PLD5: variants seen among roughly 807,000 people sequenced by gnomAD.
The protein encoded by PLD5 is phospholipase D family member 5, also known as inactive phospholipase D5.
PLD5 carries 36 observed loss-of-function variants against 61.1 expected under a neutral mutation model. The observed-to-expected ratio is 0.59, with a 90% confidence interval of 0.45 to 0.78. The LOEUF (loss-of-function observed/expected upper bound fraction) is 0.78. PLD5 is among the 30% of genes least tolerant of loss of function. PLD5 has a pLI of 0.00. For synonymous variants in PLD5, 243 were observed against 242.8 expected, an observed-to-expected ratio of 1.00 and a Z score of -0.01; for missense variants, 515 against 644.4, an observed-to-expected ratio of 0.80 and a Z score of 2.17.
rs560240787 is a variant in PLD5, at chr1:242,355,895, CTTACTG to C, written c.190-7659_190-7654del. Among the ~76,000 whole-genome samples the C allele has an allele frequency of 2.5e-4, 38 of 151,948 alleles. 2 individuals carry two copies. In the Middle Eastern group the frequency reaches 0.027, roughly 109 times the overall value. ...TAATTTCATTGAGTTTTCTGAAAGT[CTTACTG>C]TTACAGATTTTTAGTCTTAACCCAT... is the stretch of plus-strand genomic sequence containing the variant. On this transcript the variant is annotated intron_variant, in intron 1 of 9. Transcript: ENST00000536534.
intron 2 of PLD5, among the ~76,000 whole-genome samples, chr1:242,297,380 C>G (rs181217838): frequency 7.0e-6 from 1 of 142,312 alleles, no homozygotes; most frequent in Non-Finnish European, 1.5e-5. Context: ...AAGCTTCCCC[C>G]CTTTTCCTAT....
At chr1:242,252,042 G>A (rs1219981384) in intron 4 of PLD5, among the ~76,000 whole-genome samples, 1 of 152,208 alleles carries the variant, frequency 6.6e-6, no homozygotes, top group South Asian at 2.1e-4. Context: ...AGGAGACATA[G>A]AGTGTGAGTA....
At position 242,194,584 on chromosome 1, in the gene PLD5, A is replaced by ATCTG. The variant is rs1415822730; in HGVS notation, c.735+25403_735+25404insCAGA. ...TATCTCTATATCTATCTATCTATCT[A>ATCTG]TCTATCTATCTATCTATCTATGTAT... On this transcript the variant is annotated intron_variant, in intron 5 of 9. Transcript: ENST00000536534. Among the ~76,000 whole-genome samples, 15 of 70,782 alleles carry ATCTG rather than the reference A, an allele frequency of 2.1e-4. No individual in the cohort carries two copies. The East Asian group carries it at 0.012, about 58-fold the overall frequency. The allele number at this position is 70,782 out of a possible 152,430, so 46.4% of individuals were successfully genotyped here.
At chr1:242,207,854 A>ATATATTTT (rs1558344144) in intron 5 of PLD5, among the ~76,000 whole-genome samples, 1 of 47,578 alleles carries the variant, frequency 2.1e-5, no homozygotes, top group Non-Finnish European at 3.6e-5. Context: ...ATATATATTT[A>ATATATTTT]TATATTTATA....
intron 1 of PLD5, among the ~76,000 whole-genome samples, chr1:242,511,588 G>GA (rs33948487): frequency 0.58 from 86,160 of 148,984 alleles, 25,243 homozygotes; most frequent in African/African-American, 0.62. Context: ...GTCTAATGAT[G>GA]AAAAAAAAAA....
At position 242,148,940 on chromosome 1, in the gene PLD5, A is replaced by G. The variant is rs1332690317; in HGVS notation, c.736-24275T>C. Among the ~76,000 whole-genome samples, 5 of 147,694 alleles carry G rather than the reference A, an allele frequency of 3.4e-5. No individual in the cohort carries two copies. In the East Asian group the frequency reaches 9.9e-4, roughly 29 times the overall value. On this transcript the variant is annotated intron_variant, in intron 5 of 9. Coordinates refer to ENST00000536534, the MANE Select transcript of PLD5 (RefSeq NM_001372062.1). ...TAATAGATTCTTTGGGAATTTTTAC[A>G]TAATCATGTCATCTGCAAATAGAGA...
chr1:242,153,034 T>A (rs1186344816), intron 5 of PLD5, among the ~76,000 whole-genome samples: 2 of 150,964 alleles, frequency 1.3e-5, no homozygotes, highest in Non-Finnish European at 2.9e-5. Context: ...TCCTGACTTT[T>A]TAATGATTAC....
intron 1 of PLD5, among the ~76,000 whole-genome samples, chr1:242,425,709 C>T (rs1665384713): frequency 7.0e-6 from 1 of 143,340 alleles, no homozygotes; most frequent in African/African-American, 2.6e-5. Context: ...GTGGCGCAAT[C>T]TCAGCTCACT....
At chr1:242,178,596 C>T (rs1003155510) in intron 5 of PLD5, among the ~76,000 whole-genome samples, 1 of 152,052 alleles carries the variant, frequency 6.6e-6, no homozygotes, top group African/African-American at 2.4e-5. Context: ...ATGATTCTGT[C>T]GAGAGAGAAG....
intron 1 of PLD5, among the ~76,000 whole-genome samples, chr1:242,517,909 A>T (rs1669156111): frequency 6.6e-6 from 1 of 152,054 alleles, no homozygotes; most frequent in South Asian, 2.1e-4. Flanking sequence ...TTTTTATGTC[A>T]ATGAGTCCCA....
At chr1:242,412,800 A>G (rs1219982182) in intron 1 of PLD5, among the ~76,000 whole-genome samples, 1 of 152,220 alleles carries the variant, frequency 6.6e-6, no homozygotes, top group East Asian at 1.9e-4. Context: ...TCATGCGAAT[A>G]CAAGTCTTCA....
chr1:242,139,543 A>G (rs1418093733), intron 5 of PLD5, among the ~76,000 whole-genome samples: 1 of 151,792 alleles, frequency 6.6e-6, no homozygotes, highest in Non-Finnish European at 1.5e-5. Context: ...GAGACCCTAT[A>G]CTGGTGACAC....
At position 242,393,522 on chromosome 1, in the gene PLD5, G is replaced by C. The variant is rs1262489852; in HGVS notation, c.190-45280C>G. ...TGTGTATATATGAGTATATATATAT[G>C]TGTATATATGTGAGTATATATATGT... On this transcript the variant is annotated intron_variant, in intron 1 of 9. Transcript: ENST00000536534. Among the ~76,000 whole-genome samples the C allele has an allele frequency of 1.3e-4, 11 of 86,442 alleles. 3 individuals carry two copies. Among genetic ancestry groups the C allele is most frequent in the Non-Finnish European group, 2.1e-4 (10 of 47,432 alleles). 56.7% of individuals were successfully genotyped at this position (86,442 alleles called of 152,430 possible).
In PLD5 at chr1:242,119,209, T is replaced by C. The variant is rs1250025331; in HGVS notation, c.934-5183A>G. Among the ~76,000 whole-genome samples, 3 of 152,184 alleles carry C rather than the reference T, an allele frequency of 2.0e-5. No homozygotes were observed. The East Asian group carries it at 5.8e-4, about 29-fold the overall frequency. On this transcript the variant is annotated intron_variant, in intron 6 of 9. Coordinates refer to ENST00000536534, the MANE Select transcript of PLD5 (RefSeq NM_001372062.1). ...TTGCATACTCATTAAATAATCACCT[T>C]GTACAGACCTTAGCAGGTTTTTAAT...
intron 1 of PLD5, among the ~76,000 whole-genome samples, chr1:242,374,079 C>T (rs367763425): frequency 5.9e-5 from 9 of 152,208 alleles, no homozygotes; most frequent in South Asian, 4.2e-4. Context: ...AGGTTTACTA[C>T]GGTCACAAGG....
At chr1:242,266,974 G>A (rs1321605667) in intron 3 of PLD5, among the ~76,000 whole-genome samples, 1 of 151,992 alleles carries the variant, frequency 6.6e-6, no homozygotes, top group Non-Finnish European at 1.5e-5. Context: ...AAAATCAGCT[G>A]GGCATGGTGG....
chr1:242,083,038 A>G lies in PLD5; in HGVS notation c.*6816T>C, dbSNP rs891757659. 3 of 152,146 alleles carry G rather than the reference A, an allele frequency of 2.0e-5. No individual in the cohort carries two copies. Among genetic ancestry groups the G allele is most frequent in the African/African-American group, 7.2e-5 (3 of 41,464 alleles). The allele number at this position is 152,146 out of a possible 1,614,324, so 9.4% of individuals were successfully genotyped here. On this transcript the variant is annotated 3_prime_UTR_variant, in exon 10 of 10. Coordinates refer to ENST00000536534, the MANE Select transcript of PLD5 (RefSeq NM_001372062.1). ...AATACATAAGAAAGGAAGAAAAAAA[A>G]AAAGCAACCCAGGAACTACAAAGTC...
At chr1:242,141,121 C>G (rs907958275) in intron 5 of PLD5, among the ~76,000 whole-genome samples, 1 of 152,190 alleles carries the variant, frequency 6.6e-6, no homozygotes, top group African/African-American at 2.4e-5. Context: ...CCACCCTGAA[C>G]AGCTGGCTCC....
At chr1:242,485,011 C>A (rs555781692) in intron 1 of PLD5, among the ~76,000 whole-genome samples, 422 of 152,102 alleles carry the variant, frequency 2.8e-3, no homozygotes, top group Non-Finnish European at 4.8e-3. Context: ...ATTCAACAGC[C>A]CTTCATGCTA....
Sources: allele counts gnomAD v4.1 joint callset (sites outside exome capture counted in the v4.1 genomes callset), GRCh38; gene constraint gnomAD v4.1.1; transcripts MANE v1.5; gene names NCBI Gene and HGNC (gene_info 2026-07-23, HGNC 2026-07-21).